Variants in ARSB observed in about 807,000 individuals in gnomAD.
ARSB encodes arylsulfatase B.
A neutral mutation model predicts 50.9 loss-of-function variants in ARSB; 41 were observed. The observed-to-expected ratio is 0.81, with a 90% confidence interval of 0.63 to 1.04. ARSB has a LOEUF of 1.04. Among genes scored for constraint, ARSB ranks in the 50% least tolerant of loss-of-function variants. The pLI, the probability that ARSB is intolerant of heterozygous loss-of-function variation, is 0.00. For missense variants in ARSB, 672 were observed against 693.3 expected, an observed-to-expected ratio of 0.97 and a Z score of 0.35; for synonymous variants, 269 against 284.8, an observed-to-expected ratio of 0.94 and a Z score of 0.56.
chr5:78,842,091 C>T (rs1745243173), intron 5 of ARSB, among the ~76,000 whole-genome samples: 1 of 147,842 alleles, frequency 6.8e-6, no homozygotes, highest in South Asian at 2.2e-4. Flanking sequence ...TAATTATACC[C>T]TCCACCACCA....
chr5:78,804,116 G>C (rs1234949764), intron 6 of ARSB, among the ~76,000 whole-genome samples: 3 of 151,992 alleles, frequency 2.0e-5, no homozygotes, highest in Non-Finnish European at 4.4e-5. Flanking sequence ...TAAGACACAG[G>C]CACAGTGAGA....
In ARSB at chr5:78,869,976, G is replaced by A. The variant is rs962963219; in HGVS notation, c.1142+15608C>T. 6.0e-4 allele frequency among the ~76,000 whole-genome samples: 90 copies of A among 149,248 alleles called. 1 individual carries two copies. The highest frequency in any genetic ancestry group is 1.2e-3 in the Non-Finnish European group (81 of 67,138). On this transcript the variant is annotated intron_variant, in intron 5 of 7. Transcript: ENST00000264914. The stretch of plus-strand genomic sequence containing the variant: ...AATAGACACAATAAAAAATGATAAA[G>A]GGGATATCACCACCGATCCCACAGA...
chr5:78,882,307 C>T (rs980497162), intron 5 of ARSB, among the ~76,000 whole-genome samples: 3 of 152,068 alleles, frequency 2.0e-5, no homozygotes, highest in Non-Finnish European at 4.4e-5. Context: ...CATGGCTTGC[C>T]TCAGGAAAAA....
chr5:78,972,334 C>T (rs1752484487), intron 1 of ARSB, among the ~76,000 whole-genome samples: 1 of 152,154 alleles, frequency 6.6e-6, no homozygotes, highest in African/African-American at 2.4e-5. Context: ...CACTGGATTA[C>T]TACACTATCC....
intron 5 of ARSB, among the ~76,000 whole-genome samples, chr5:78,849,113 T>C (rs1226044315): frequency 6.6e-6 from 1 of 152,232 alleles, no homozygotes; most frequent in Non-Finnish European, 1.5e-5. Flanking sequence ...CCATTGCTTT[T>C]GGTGTTTTAG....
chr5:78,965,882 T>C (rs191678830), intron 2 of ARSB, among the ~76,000 whole-genome samples: 208 of 152,340 alleles, frequency 1.4e-3, no homozygotes, highest in African/African-American at 4.8e-3. Context: ...TACTTTGGTC[T>C]TAAAATAACT....
intron 4 of ARSB, among the ~76,000 whole-genome samples, chr5:78,925,304 A>C (rs1022009626): frequency 1.3e-5 from 2 of 152,204 alleles, no homozygotes; most frequent in Non-Finnish European, 2.9e-5. Flanking sequence ...CAAGGAAAAA[A>C]GCAAATAAAT....
chr5:78,913,443 C>CAT lies in ARSB; in HGVS notation c.899-27618_899-27617dup, dbSNP rs551382909. Among the ~76,000 whole-genome samples, 199 of 152,302 alleles carry CAT rather than the reference C, an allele frequency of 1.3e-3. 1 individual carries two copies. Among genetic ancestry groups the CAT allele is most frequent in the Non-Finnish European group, 1.4e-3 (98 of 68,026 alleles). ...CCCGGCTTAATTCGCTTTTGAGTTT[C>CAT]ATAAAGTAGGCCAAGTTACAGACAA... is the stretch of plus-strand genomic sequence containing the variant. On this transcript the variant is annotated intron_variant, in intron 4 of 7. Transcript: ENST00000264914.
In ARSB at chr5:78,985,015, G is replaced by C. The variant is rs1453244830; in HGVS notation, c.234C>G (p.Gly78=). The change falls in exon 1 of 8, where the codon GGC becomes GGG. Residue 78 remains glycine, a synonymous_variant. Coordinates refer to ENST00000264914, the MANE Select transcript of ARSB (RefSeq NM_000046.5). ...TGTAGTAGTTGTCCAGGAGCACCCC[G>C]CCGGCCGCCAGCGCGTCCAGGTGCG... is the stretch of plus-strand genomic sequence containing the variant. ...RTPHLDALAA[G]GVLLDNYYTQ... The C allele has an allele frequency of 1.3e-6, 2 of 1,538,880 alleles. No individual in the cohort carries two copies. The highest frequency in any genetic ancestry group is 1.7e-6 in the Non-Finnish European group (2 of 1,145,462).
intron 1 of ARSB, among the ~76,000 whole-genome samples, chr5:78,979,960 G>A (rs1752831188): frequency 6.6e-6 from 1 of 152,114 alleles, no homozygotes; most frequent in Non-Finnish European, 1.5e-5. Context: ...GAATATTATT[G>A]AGCCATAAAA....
intron 6 of ARSB, among the ~76,000 whole-genome samples, chr5:78,806,983 C>T (rs1306366969): frequency 1.3e-5 from 2 of 152,226 alleles, no homozygotes; most frequent in East Asian, 1.9e-4. Flanking sequence ...TCTCCACTTT[C>T]CTGCAACCAT....
At chr5:78,839,467 T>A in intron 5 of ARSB, 41 bp from the exon 6 acceptor site, 1 of 1,519,940 alleles carries the variant, frequency 6.6e-7, no homozygotes, top group Non-Finnish European at 9.1e-7. Flanking sequence ...TTCCTCTCTC[T>A]AATGGGCATG....
rs561579172 is a variant in ARSB, at chr5:78,851,344, T to C, written c.1143-11918A>G. 3.2e-4 allele frequency among the ~76,000 whole-genome samples: 49 copies of C among 152,354 alleles called. No individual in the cohort carries two copies. The Middle Eastern group carries it at 0.01, about 32-fold the overall frequency. ...CCAGTAGTCATTCAGGAGTAGGTTG[T>C]TCAGTTTCCATGTAGTTGAGCAGTT... On this transcript the variant is annotated intron_variant, in intron 5 of 7. Coordinates refer to ENST00000264914, the MANE Select transcript of ARSB (RefSeq NM_000046.5).
chr5:78,859,041 G>A (rs1746294145), intron 5 of ARSB, among the ~76,000 whole-genome samples: 1 of 152,158 alleles, frequency 6.6e-6, no homozygotes, highest in Non-Finnish European at 1.5e-5. Context: ...AAAAAGTACC[G>A]ATTTTTAACC....
At chr5:78,875,645 T>C (rs1395265158) in intron 5 of ARSB, among the ~76,000 whole-genome samples, 1 of 151,466 alleles carries the variant, frequency 6.6e-6, no homozygotes, top group Non-Finnish European at 1.5e-5. Flanking sequence ...ATTCTTTCAT[T>C]TTTAACAATA....
At chr5:78,945,700 A>T (rs1257671352) in intron 4 of ARSB, among the ~76,000 whole-genome samples, 1 of 152,002 alleles carries the variant, frequency 6.6e-6, no homozygotes, top group Admixed American at 6.6e-5. Flanking sequence ...CTCTAGCCTC[A>T]CATCTCGCTG....
intron 6 of ARSB, 152 bp from the exon 7 acceptor site, chr5:78,782,126 C>CA (rs1748944603): frequency 2.0e-6 from 2 of 1,000,104 alleles, no homozygotes; most frequent in Non-Finnish European, 3.0e-6. Context: ...TTATTAAATC[C>CA]AAACAGAAAG....
intron 1 of ARSB, among the ~76,000 whole-genome samples, chr5:78,978,381 T>C (rs1752756095): frequency 6.6e-6 from 1 of 151,532 alleles, no homozygotes; most frequent in African/African-American, 2.4e-5. Flanking sequence ...AGACATCTCA[T>C]ATTCTTAAAT....
At chr5:78,973,844 C>A (rs1389573920) in intron 1 of ARSB, among the ~76,000 whole-genome samples, 3 of 152,164 alleles carry the variant, frequency 2.0e-5, no homozygotes, top group Non-Finnish European at 4.4e-5. Flanking sequence ...TCCAGTCAGT[C>A]TGGTCTGAGC....
Sources: gnomAD v4.1 joint callset for allele counts (sites outside exome capture counted in the v4.1 genomes callset) on GRCh38, gnomAD v4.1.1 for gene constraint, MANE v1.5 for transcripts, NCBI Gene and HGNC (gene_info 2026-07-23, HGNC 2026-07-21) for gene names.